Variants in FER observed in about 807,000 individuals in gnomAD.
FER encodes the protein FER tyrosine kinase.
A neutral mutation model predicts 111.0 loss-of-function variants in FER; 63 were observed. That is an observed-to-expected ratio of 0.57 (90% CI 0.46 to 0.70). The LOEUF (loss-of-function observed/expected upper bound fraction) is 0.70, where lower values mean the gene tolerates loss of function less well. FER is among the 30% of genes least tolerant of loss of function. FER has a pLI of 0.00. For synonymous variants in FER, 327 were observed against 313.9 expected (o/e 1.04, Z -0.44); for missense variants, 914 against 954.0 (o/e 0.96, Z 0.55).
intron 6 of FER, among the ~76,000 whole-genome samples, chr5:108,868,533 G>GTCA (rs1764300014): frequency 6.6e-6 from 1 of 152,036 alleles, no homozygotes; most frequent in South Asian, 2.1e-4. Flanking sequence ...GAAAAAATAA[G>GTCA]TCATCCTTTG....
At chr5:109,060,479 A>G (rs1421876134) in intron 16 of FER, among the ~76,000 whole-genome samples, 1 of 151,948 alleles carries the variant, frequency 6.6e-6, no homozygotes, top group African/African-American at 2.4e-5. Flanking sequence ...AGGTCAAGAG[A>G]TCAAGACGAT....
At chr5:108,919,310 A>G (rs1166303486) in intron 10 of FER, among the ~76,000 whole-genome samples, 1 of 151,790 alleles carries the variant, frequency 6.6e-6, no homozygotes, top group Non-Finnish European at 1.5e-5. Context: ...ATAGATGATC[A>G]GTATTTCTAT....
At chr5:108,780,578 A>T (rs10070327) in intron 2 of FER, among the ~76,000 whole-genome samples, 36,426 of 151,634 alleles carry the variant, frequency 0.24, 4,666 homozygotes, top group African/African-American at 0.32. Flanking sequence ...AATTGTGATA[A>T]GCCTAGGTGT....
intron 2 of FER, 39 bp from the exon 3 acceptor site, chr5:108,798,085 T>A (rs1423118886): frequency 7.2e-6 from 6 of 832,250 alleles, no homozygotes; most frequent in Non-Finnish European, 9.1e-6. Flanking sequence ...CTAATTTCCT[T>A]TTTATTTAAG....
intron 16 of FER, among the ~76,000 whole-genome samples, chr5:109,076,432 T>C (rs770601185): frequency 3.3e-5 from 5 of 152,146 alleles, no homozygotes; most frequent in Admixed American, 3.3e-4. Context: ...GTAATTTCTT[T>C]TGTTTTTTGT....
At chr5:109,040,359 TAAGAG>T (rs1409213309) in intron 14 of FER, among the ~76,000 whole-genome samples, 1 of 151,912 alleles carries the variant, frequency 6.6e-6, no homozygotes, top group Non-Finnish European at 1.5e-5. Context: ...GAGGTGGAGA[TAAGAG>T]AAGCAATCCC....
chr5:108,916,872 C>T (rs979031873), intron 10 of FER, among the ~76,000 whole-genome samples: 1 of 152,016 alleles, frequency 6.6e-6, no homozygotes, highest in Admixed American at 6.6e-5. Flanking sequence ...TGGATAACTG[C>T]CAACAATTTC....
At chr5:109,031,310 G>A (rs913886625) in intron 13 of FER, among the ~76,000 whole-genome samples, 3 of 152,012 alleles carry the variant, frequency 2.0e-5, no homozygotes, top group Admixed American at 2.0e-4. Context: ...ATCTTTCAGA[G>A]TTCCTTGTTT....
At chr5:108,795,148 A>AC (rs1381074421) in intron 2 of FER, among the ~76,000 whole-genome samples, 2 of 152,094 alleles carry the variant, frequency 1.3e-5, no homozygotes, top group Non-Finnish European at 2.9e-5. Context: ...ACAAAGTGTG[A>AC]CCCCTTCTTT....
intron 14 of FER, among the ~76,000 whole-genome samples, chr5:109,040,968 A>G (rs1771085072): frequency 6.6e-6 from 1 of 152,158 alleles, no homozygotes; most frequent in South Asian, 2.1e-4. Context: ...AGTTCTCTTT[A>G]TATTGCTTCA....
intron 13 of FER, among the ~76,000 whole-genome samples, chr5:108,986,813 T>C (rs574817312): frequency 6.6e-6 from 1 of 152,330 alleles, no homozygotes; most frequent in South Asian, 2.1e-4. Flanking sequence ...ATGCCTACTT[T>C]TATATCGGTA....
intron 10 of FER, among the ~76,000 whole-genome samples, chr5:108,937,993 C>T (rs949351224): frequency 6.6e-6 from 1 of 150,442 alleles, no homozygotes; most frequent in African/African-American, 2.4e-5. Flanking sequence ...TTATTTCCTA[C>T]TCTCTTCCCT....
chr5:109,004,786 C>T lies in FER; in HGVS notation c.1657-32636C>T, dbSNP rs142325702. 8.8e-4 allele frequency among the ~76,000 whole-genome samples: 134 copies of T among 152,092 alleles called. No individual in the cohort carries two copies. The East Asian group carries it at 0.021, about 24-fold the overall frequency. ...GTTGGTTTGGAACCTGGTTTTGCAC[C>T]TTATGAAACATTAGTGATTGTGTTC... On this transcript the variant is annotated intron_variant, in intron 13 of 19. Transcript: ENST00000281092.
chr5:108,828,040 AT>A (rs987373733), intron 3 of FER, among the ~76,000 whole-genome samples: 4 of 148,948 alleles, frequency 2.7e-5, no homozygotes, highest in African/African-American at 2.5e-5. Context: ...TTGATTAAAA[AT>A]TTTTTTTTTG....
rs1318084018 is a variant in FER, at chr5:109,013,849, T to G, written c.1657-23573T>G. ...GATGGCCAGTGATGGTGAGCATTTT[T>G]TCATGTGTTTTTTGGCTGCATAAAT... On this transcript the variant is annotated intron_variant, in intron 13 of 19. Coordinates refer to ENST00000281092, the MANE Select transcript of FER (RefSeq NM_005246.4). Among the ~76,000 whole-genome samples, 3 of 151,238 alleles carry G rather than the reference T, an allele frequency of 2.0e-5. No homozygotes were observed. In the East Asian group the frequency reaches 5.8e-4, roughly 29 times the overall value.
chr5:108,948,697 G>A (rs1480401190), intron 11 of FER, among the ~76,000 whole-genome samples: 1 of 152,004 alleles, frequency 6.6e-6, no homozygotes, highest in East Asian at 1.9e-4. Context: ...GTCATGTCAA[G>A]AATATTGCCC....
At chr5:108,975,342 A>T (rs1761196189) in intron 13 of FER, among the ~76,000 whole-genome samples, 1 of 152,174 alleles carries the variant, frequency 6.6e-6, no homozygotes, top group African/African-American at 2.4e-5. Flanking sequence ...AGGTGCAGCG[A>T]ACCACCATGA....
chr5:109,010,175 C>G (rs535088268), intron 13 of FER, among the ~76,000 whole-genome samples: 1 of 151,848 alleles, frequency 6.6e-6, no homozygotes, highest in East Asian at 1.9e-4. Flanking sequence ...TTTTATCCTT[C>G]TTTTTTTTGA....
intron 16 of FER, among the ~76,000 whole-genome samples, chr5:109,085,153 A>G (rs1044067640): frequency 2.0e-5 from 3 of 151,822 alleles, no homozygotes; most frequent in African/African-American, 7.2e-5. Flanking sequence ...AATTCTGTAA[A>G]TCAATATGGG....
Sources: allele counts gnomAD v4.1 joint callset (sites outside exome capture counted in the v4.1 genomes callset), GRCh38; gene constraint gnomAD v4.1.1; transcripts MANE v1.5; gene names NCBI Gene and HGNC (gene_info 2026-07-23, HGNC 2026-07-21).